The following PIP5K1C variants were observed in gnomAD, a reference collection of about 807,000 sequenced individuals.
The protein encoded by PIP5K1C is phosphatidylinositol 4-phosphate 5-kinase type-1 gamma.
A neutral mutation model predicts 80.1 loss-of-function variants in PIP5K1C; 45 were observed. The observed-to-expected ratio is 0.56, with a 90% CI of 0.44 to 0.72. PIP5K1C has a LOEUF of 0.72. Ranked by LOEUF, PIP5K1C falls within the 30% of genes least tolerant of loss-of-function variation. The pLI is 0.00. For missense variants in PIP5K1C, 753 were observed against 954.6 expected (o/e 0.79, Z 2.78); for synonymous variants, 498 against 420.1 (o/e 1.19, Z -2.27).
At chr19:3,658,753 C>T (rs889550710) in intron 5 of PIP5K1C, among the ~76,000 whole-genome samples, 6 of 152,218 alleles carry the variant, frequency 3.9e-5, no homozygotes, top group Admixed American at 1.3e-4. Context: ...GGAAAGGGCA[C>T]GTTCGGCTTT....
chr19:3,641,909 G>A (rs1568313307), intron 14 of PIP5K1C, 100 bp from the exon 15 acceptor site: 1 of 911,278 alleles, frequency 1.1e-6, no homozygotes, highest in South Asian at 1.4e-5. Flanking sequence ...CCAGAGGGGA[G>A]TTGGGAGCCT....
At chr19:3,682,628 G>A (rs1313385069) in intron 1 of PIP5K1C, among the ~76,000 whole-genome samples, 1 of 152,150 alleles carries the variant, frequency 6.6e-6, no homozygotes, top group African/African-American at 2.4e-5. Flanking sequence ...GTTGGAGGCT[G>A]CAGTGAGCTA....
intron 3 of PIP5K1C, among the ~76,000 whole-genome samples, chr19:3,662,422 G>A (rs1197929763): frequency 6.6e-6 from 1 of 152,328 alleles, no homozygotes; most frequent in Non-Finnish European, 1.5e-5. Flanking sequence ...GCAGGTTCCC[G>A]TTAGCTGCTT....
In PIP5K1C at chr19:3,637,883, A is replaced by G. The variant is rs976324628; in HGVS notation, c.1920+1001T>C. 2.0e-6 allele frequency: 3 copies of G among 1,535,278 alleles called. No individual in the cohort carries two copies. The African/African-American group carries it at 4.1e-5, about 21-fold the overall frequency. ...AGGCCCCCCGTACCATCCGGAGACC[A>G]GGACGCGCACAAACCAGTCCCAGGA... On this transcript the variant is annotated intron_variant, in intron 16 of 17. Transcript: ENST00000335312. This position sits in a 1 kb window ranked among gnomAD's most constrained non-coding sequence, Gnocchi z 7.0.
chr19:3,646,137 GTA>G, intron 10 of PIP5K1C, 79 bp from the exon 11 acceptor site: 2 of 840,434 alleles, frequency 2.4e-6, no homozygotes, highest in Non-Finnish European at 4.1e-6. Context: ...GACAGACGCT[GTA>G]TGTGTGTGGG....
rs193059792 is a variant in PIP5K1C, at chr19:3,631,914, T to C, written c.*1253A>G. 1.2e-4 allele frequency: 18 copies of C among 152,254 alleles called. No homozygotes were observed. The highest frequency in any genetic ancestry group is 3.9e-4 in the African/African-American group (16 of 41,532). The allele number at this position is 152,254 out of a possible 1,614,324, so 9.4% of individuals were successfully genotyped here. On this transcript the variant is annotated 3_prime_UTR_variant, in exon 18 of 18. Coordinates refer to ENST00000335312, the MANE Select transcript of PIP5K1C (RefSeq NM_012398.3). ...TCACATCCTGGGCACATCTTGGAAG[T>C]GGGGGATTCCCACAGCCATCACCAA...
Position 3,655,854 on chromosome 19 carries a change from G to A in PIP5K1C, c.621+551C>T, listed in dbSNP as rs918981050. ...GAATCCCAGGCCCAGGAACACTGTG[G>A]CAGCCGCCGGCTCCTACTCCTACTC... On this transcript the variant is annotated intron_variant, in intron 6 of 17. Coordinates refer to ENST00000335312, the MANE Select transcript of PIP5K1C (RefSeq NM_012398.3). 2.8e-4 allele frequency among the ~76,000 whole-genome samples: 42 copies of A among 152,328 alleles called. 1 individual carries two copies. Among genetic ancestry groups the A allele is most frequent in the African/African-American group, 9.9e-4 (41 of 41,564 alleles).
chr19:3,655,898 C>T lies in PIP5K1C; in HGVS notation c.621+507G>A, dbSNP rs112855189. 4.2e-3 allele frequency among the ~76,000 whole-genome samples: 642 copies of T among 152,350 alleles called. 5 individuals carry two copies. The highest frequency in any genetic ancestry group is 0.015 in the African/African-American group (616 of 41,580). On this transcript the variant is annotated intron_variant, in intron 6 of 17. Coordinates refer to ENST00000335312, the MANE Select transcript of PIP5K1C (RefSeq NM_012398.3). ...CCTACTCCCCCCTCCCGGGGCCTGA[C>T]GCACCCTTTCTGTGAGTCATGCGGG... is the stretch of plus-strand genomic sequence containing the variant.
rs564036930 is a variant in PIP5K1C, at chr19:3,653,998, G to A, written c.622-409C>T. On this transcript the variant is annotated intron_variant, in intron 6 of 17. Transcript: ENST00000335312. The stretch of plus-strand genomic sequence containing the variant: ...CACACACAAACACATACACACACAC[G>A]CACACACACATGTATTTTCTTGAGA... 2.0e-3 allele frequency among the ~76,000 whole-genome samples: 303 copies of A among 152,124 alleles called. 3 individuals are homozygous for A. Among genetic ancestry groups the A allele is most frequent in the African/African-American group, 6.6e-3 (273 of 41,510 alleles).
intron 1 of PIP5K1C, among the ~76,000 whole-genome samples, chr19:3,685,655 G>A (rs547757055): frequency 7.4e-4 from 112 of 151,806 alleles, no homozygotes; most frequent in African/African-American, 2.6e-3. Context: ...GCGTGAACCC[G>A]GGAGGCGGAG....
At chr19:3,655,716 TGGA>T (rs2034599724) in intron 6 of PIP5K1C, among the ~76,000 whole-genome samples, 1 of 152,138 alleles carries the variant, frequency 6.6e-6, no homozygotes, top group African/African-American at 2.4e-5. Context: ...AGAGAGTGGA[TGGA>T]GGAGGCCTCA....
At chr19:3,660,881 C>A (rs1477184152) in intron 5 of PIP5K1C, 85 bp downstream of exon 5, 6 of 1,106,206 alleles carry the variant, frequency 5.4e-6, no homozygotes, top group Non-Finnish European at 8.3e-6. Flanking sequence ...GGAGGCTGCC[C>A]CCAAATGCCT....
chr19:3,700,065 T>G (rs929873485), intron 1 of PIP5K1C, among the ~76,000 whole-genome samples: 2 of 151,866 alleles, frequency 1.3e-5, no homozygotes, highest in Admixed American at 1.3e-4. Flanking sequence ...CCACGCCGAG[T>G]CGCCCCCGGC....
chr19:3,638,360 C>T (rs368675729), intron 16 of PIP5K1C, among the ~76,000 whole-genome samples: 30 of 152,100 alleles, frequency 2.0e-4, no homozygotes, highest in African/African-American at 3.6e-4. Flanking sequence ...GGCGTGGGAG[C>T]GTGAAGCCCT....
At chr19:3,681,430 C>A (rs1201405777) in intron 1 of PIP5K1C, among the ~76,000 whole-genome samples, 2 of 152,040 alleles carry the variant, frequency 1.3e-5, no homozygotes, top group African/African-American at 2.4e-5. Flanking sequence ...CGGAATTTTG[C>A]CATGTTGGCC....
In PIP5K1C at chr19:3,633,443, G is replaced by A. The variant is rs768644015; in HGVS notation, c.1998C>T (p.Ser666=). 66 of 1,495,952 alleles carry A rather than the reference G, an allele frequency of 4.4e-5. No homozygotes were observed. Among genetic ancestry groups the A allele is most frequent in the Non-Finnish European group, 5.5e-5 (62 of 1,119,814 alleles). The allele number at this position is 1,495,952 out of a possible 1,614,324, so 92.7% of individuals were successfully genotyped here. A position where few individuals can be genotyped will look rare whatever the true frequency, so the allele number is the denominator to read the frequency against. ...GCACCTGGGCTGCACTTACTGTGTC[G>A]CTCTCGCCGTCGGAGGCCGGGGGGG... ...AQAPPASDGE[S]DT is the part of the protein sequence containing the mutation. Residue 666 remains serine (S), a synonymous_variant, in exon 17 of 18, where the codon AGC becomes AGT. Coordinates refer to ENST00000335312, the MANE Select transcript of PIP5K1C (RefSeq NM_012398.3).
chr19:3,638,107 G>T, intron 16 of PIP5K1C: 2 of 1,393,158 alleles, frequency 1.4e-6, no homozygotes, highest in Non-Finnish European at 1.9e-6. Flanking sequence ...TTCCCAGGGG[G>T]TGCAGGGTGA....
chr19:3,646,146 T>A, intron 10 of PIP5K1C, 88 bp from the exon 11 acceptor site: 1 of 780,878 alleles, frequency 1.3e-6, no homozygotes, highest in Non-Finnish European at 2.3e-6. Flanking sequence ...TGTATGTGTG[T>A]GGGGGGCACC....
intron 11 of PIP5K1C, among the ~76,000 whole-genome samples, chr19:3,645,474 TC>T (rs1460727687): frequency 6.6e-6 from 1 of 152,172 alleles, no homozygotes; most frequent in Non-Finnish European, 1.5e-5. Flanking sequence ...TGTGGGTGAA[TC>T]CCGAGTCCCC....
Sources: allele counts gnomAD v4.1 joint callset (sites outside exome capture counted in the v4.1 genomes callset), GRCh38; gene constraint gnomAD v4.1.1; non-coding constraint Gnocchi (gnomAD v3.1); transcripts MANE v1.5; gene names NCBI Gene and HGNC (gene_info 2026-07-23, HGNC 2026-07-21).